Variants in GLIS3 observed in about 807,000 individuals in gnomAD.
The protein encoded by GLIS3 is zinc finger protein GLIS3.
In GLIS3, 53 loss-of-function variants were observed where a neutral mutation model predicts 78.6. The ratio of observed to expected loss-of-function variants is 0.67; its 90% CI spans 0.54 to 0.85. GLIS3 has a LOEUF of 0.85. Among genes scored for constraint, GLIS3 ranks in the 40% least tolerant of loss-of-function variants. The pLI is 0.00. For synonymous variants in GLIS3, 684 were observed against 509.9 expected (o/e 1.34, Z -4.60); for missense variants, 1,703 against 1,231.1 (o/e 1.38, Z -5.74).
chr9:4,293,624 C>G (rs979254273), intron 1 of GLIS3, among the ~76,000 whole-genome samples: 2 of 152,196 alleles, frequency 1.3e-5, no homozygotes, highest in African/African-American at 2.4e-5. Context: ...AATAACAAAA[C>G]TTCGTAACTA....
At chr9:3,884,056 T>A (rs764608361) in intron 7 of GLIS3, among the ~76,000 whole-genome samples, 2 of 152,252 alleles carry the variant, frequency 1.3e-5, no homozygotes, top group Non-Finnish European at 2.9e-5. Flanking sequence ...CAGCATCTGT[T>A]GATCTATGTG....
At chr9:3,965,513 A>G (rs185822239) in intron 4 of GLIS3, among the ~76,000 whole-genome samples, 6 of 151,498 alleles carry the variant, frequency 4.0e-5, no homozygotes, top group African/African-American at 1.5e-4. Flanking sequence ...TAATTCTATC[A>G]CTCTAATCCA....
rs114662732 is a variant in GLIS3, at chr9:3,871,803, C to G, written c.2297+7624G>C. On this transcript the variant is annotated intron_variant, in intron 8 of 10. Coordinates refer to ENST00000381971, the MANE Select transcript of GLIS3 (RefSeq NM_001042413.2). ...CTGAGATGCACTGGAGACATTTTCC[C>G]CATTGTCTTGGGAATTAACATTTGG... Among the ~76,000 whole-genome samples, 421 of 152,332 alleles carry G rather than the reference C, an allele frequency of 2.8e-3. 3 individuals are homozygous for G. Among genetic ancestry groups the G allele is most frequent in the African/African-American group, 9.8e-3 (406 of 41,576 alleles).
chr9:4,101,706 A>C (rs1179111248), intron 4 of GLIS3, among the ~76,000 whole-genome samples: 1 of 152,190 alleles, frequency 6.6e-6, no homozygotes, highest in African/African-American at 2.4e-5. Context: ...AAAAAGTTTA[A>C]TCTTATAAGC....
At chr9:4,175,420 T>C (rs1816728894) in intron 2 of GLIS3, among the ~76,000 whole-genome samples, 1 of 152,194 alleles carries the variant, frequency 6.6e-6, no homozygotes, top group Non-Finnish European at 1.5e-5. Flanking sequence ...ACTTATCCCA[T>C]GCTAGGCCTT....
chr9:4,423,248 G>C, the GLIS3 span, among the ~76,000 whole-genome samples: 6 of 152,224 alleles, frequency 3.9e-5, no homozygotes, highest in Non-Finnish European at 7.4e-5. Flanking sequence ...GTCATCTGAC[G>C]TCACAGACCC....
intron 2 of GLIS3, among the ~76,000 whole-genome samples, chr9:4,284,512 G>A (rs1353929881): frequency 6.6e-6 from 1 of 151,980 alleles, no homozygotes; most frequent in Non-Finnish European, 1.5e-5. Flanking sequence ...TTTGGATGTA[G>A]CCCCAGGGAA....
At chr9:4,394,426 T>C in the GLIS3 span, among the ~76,000 whole-genome samples, 14 of 152,108 alleles carry the variant, frequency 9.2e-5, no homozygotes, top group African/African-American at 3.4e-4. Flanking sequence ...TCAGGAAACA[T>C]GGCATTAGGC....
intron 2 of GLIS3, among the ~76,000 whole-genome samples, chr9:4,314,293 T>A (rs1031078912): frequency 4.6e-5 from 7 of 152,214 alleles, no homozygotes; most frequent in Non-Finnish European, 1.0e-4. Flanking sequence ...ACCCTTGACT[T>A]CCAGTCCAGT....
intron 8 of GLIS3, among the ~76,000 whole-genome samples, chr9:3,866,634 C>T (rs979528944): frequency 6.6e-6 from 1 of 152,128 alleles, no homozygotes; most frequent in African/African-American, 2.4e-5. Flanking sequence ...CAAGGCAAGA[C>T]TAGTGAGTGT....
the GLIS3 span, among the ~76,000 whole-genome samples, chr9:4,429,672 G>T: frequency 6.6e-6 from 1 of 152,138 alleles, no homozygotes; most frequent in Non-Finnish European, 1.5e-5. Flanking sequence ...CAAGGTTCAT[G>T]AGGATAGAGA....
At chr9:4,322,568 ATC>A (rs1179767668) in intron 2 of GLIS3, among the ~76,000 whole-genome samples, 2 of 152,152 alleles carry the variant, frequency 1.3e-5, no homozygotes, top group African/African-American at 4.8e-5. Flanking sequence ...CCTCTCCAGA[ATC>A]TGTTGTTGCC....
chr9:4,084,802 C>G (rs1828883951), intron 4 of GLIS3, among the ~76,000 whole-genome samples: 1 of 152,080 alleles, frequency 6.6e-6, no homozygotes. Context: ...TTCTAGAACA[C>G]CACGTTAGGA....
At chr9:4,077,456 TAGAA>T (rs1399237082) in intron 4 of GLIS3, among the ~76,000 whole-genome samples, 1 of 152,132 alleles carries the variant, frequency 6.6e-6, no homozygotes, top group African/African-American at 2.4e-5. Flanking sequence ...AAATAAAACT[TAGAA>T]AGGAAAGATA....
At chr9:4,412,427 C>G in the GLIS3 span, among the ~76,000 whole-genome samples, 406 of 152,228 alleles carry the variant, frequency 2.7e-3, 2 homozygotes, top group African/African-American at 9.5e-3. Context: ...AGAGAGTATT[C>G]CATCATACCT....
intron 4 of GLIS3, among the ~76,000 whole-genome samples, chr9:4,051,800 G>C (rs1182451604): frequency 6.6e-6 from 1 of 152,128 alleles, no homozygotes; most frequent in Non-Finnish European, 1.5e-5. Context: ...CTAACAAATA[G>C]GGCACAACTG....
At chr9:4,268,229 T>TAACAACAAC (rs33987201) in intron 2 of GLIS3, among the ~76,000 whole-genome samples, 14 of 152,060 alleles carry the variant, frequency 9.2e-5, no homozygotes, top group African/African-American at 3.4e-4. Flanking sequence ...GGAGTCATAA[T>TAACAACAAC]AACAACAACA....
chr9:4,481,597 A>G, the GLIS3 span, among the ~76,000 whole-genome samples: 1 of 152,186 alleles, frequency 6.6e-6, no homozygotes, highest in South Asian at 2.1e-4. Context: ...AATTCAGGTC[A>G]AAGCTAAAAT....
At chr9:4,217,871 A>C (rs533532802) in intron 2 of GLIS3, among the ~76,000 whole-genome samples, 1 of 152,368 alleles carries the variant, frequency 6.6e-6, no homozygotes, top group East Asian at 1.9e-4. Context: ...ATTTAATAAA[A>C]CAACCAACAG....
Sources: allele counts gnomAD v4.1 joint callset (sites outside exome capture counted in the v4.1 genomes callset), GRCh38; gene constraint gnomAD v4.1.1; transcripts MANE v1.5; gene names NCBI Gene and HGNC (gene_info 2026-07-23, HGNC 2026-07-21).